Variants in LSAMP observed in about 807,000 individuals in gnomAD.
LSAMP encodes limbic system associated membrane protein.
Under a neutral mutation model 38.6 loss-of-function variants are expected in LSAMP, and 7 were observed. The observed-to-expected ratio is 0.18, with a 90% CI of 0.10 to 0.34. The LOEUF (loss-of-function observed/expected upper bound fraction) is 0.34. LSAMP is among the 10% of genes least tolerant of loss of function. The pLI, the probability that LSAMP is intolerant of heterozygous loss-of-function variation, is 1.00. For missense variants in LSAMP, 313 were observed against 420.0 expected (o/e 0.75, Z 2.23); for synonymous variants, 154 against 166.8 (o/e 0.92, Z 0.59).
At chr3:116,300,657 C>A (rs781283319) in intron 1 of LSAMP, among the ~76,000 whole-genome samples, 1 of 152,118 alleles carries the variant, frequency 6.6e-6, no homozygotes, top group Non-Finnish European at 1.5e-5. Flanking sequence ...CTAACTAATA[C>A]CTGATGATCT....
chr3:115,844,968 C>T (rs1327687296), intron 4 of LSAMP, among the ~76,000 whole-genome samples: 1 of 152,208 alleles, frequency 6.6e-6, no homozygotes, highest in African/African-American at 2.4e-5. Flanking sequence ...CACAGCAAGA[C>T]CCTGTCTCAA....
At chr3:116,269,343 A>G (rs1197384469) in intron 1 of LSAMP, among the ~76,000 whole-genome samples, 1 of 151,310 alleles carries the variant, frequency 6.6e-6, no homozygotes, top group Non-Finnish European at 1.5e-5. Context: ...TGCAACACAC[A>G]TATTATATAC....
At chr3:116,119,666 T>C (rs1314956757) in intron 1 of LSAMP, among the ~76,000 whole-genome samples, 2 of 111,560 alleles carry the variant, frequency 1.8e-5, no homozygotes, top group African/African-American at 2.8e-5. Flanking sequence ...CTTTTCTTTT[T>C]TTTTTTTTTT....
chr3:115,828,776 G>T (rs1178083354), intron 6 of LSAMP, among the ~76,000 whole-genome samples: 1 of 152,068 alleles, frequency 6.6e-6, no homozygotes, highest in Non-Finnish European at 1.5e-5. Context: ...TCATAGAAGA[G>T]CAATATTTCT....
chr3:116,131,584 C>G (rs1347758361), intron 1 of LSAMP, among the ~76,000 whole-genome samples: 1 of 152,112 alleles, frequency 6.6e-6, no homozygotes, highest in African/African-American at 2.4e-5. Context: ...TACCAGGGAA[C>G]AAATCAATAG....
chr3:116,142,376 A>T (rs1019575378), intron 1 of LSAMP, among the ~76,000 whole-genome samples: 1 of 152,006 alleles, frequency 6.6e-6, no homozygotes, highest in Admixed American at 6.6e-5. Context: ...TCCAAAAGAC[A>T]TCTTGTTCCA....
At chr3:115,814,430 T>C (rs2107453434) in intron 6 of LSAMP, among the ~76,000 whole-genome samples, 1 of 152,344 alleles carries the variant, frequency 6.6e-6, no homozygotes, top group Admixed American at 6.5e-5. Context: ...GTCTCTAGAC[T>C]ATAAATTTGT....
At chr3:115,997,300 A>T (rs1473738576) in intron 3 of LSAMP, among the ~76,000 whole-genome samples, 1 of 152,082 alleles carries the variant, frequency 6.6e-6, no homozygotes, top group Non-Finnish European at 1.5e-5. Flanking sequence ...GGTGAATAAG[A>T]TGGACAATGT....
chr3:115,854,241 T>C (rs1935422515), intron 3 of LSAMP, among the ~76,000 whole-genome samples: 1 of 148,238 alleles, frequency 6.7e-6, no homozygotes, highest in Non-Finnish European at 1.5e-5. Context: ...GTCTATAGCA[T>C]ATAGTTAAAT....
At chr3:116,325,101 T>C (rs1463707156) in intron 1 of LSAMP, among the ~76,000 whole-genome samples, 1 of 149,492 alleles carries the variant, frequency 6.7e-6, no homozygotes, top group Non-Finnish European at 1.5e-5. Flanking sequence ...ATTTCATATA[T>C]ATAATAATAT....
intron 1 of LSAMP, among the ~76,000 whole-genome samples, chr3:116,208,139 A>T (rs1294244566): frequency 2.0e-5 from 3 of 151,334 alleles, no homozygotes; most frequent in African/African-American, 7.3e-5. Context: ...TTCTCGCTTC[A>T]TTTCATTCAT....
At chr3:115,854,279 ATTATTTTTT>A (rs1372913341) in intron 3 of LSAMP, among the ~76,000 whole-genome samples, 8 of 116,370 alleles carry the variant, frequency 6.9e-5, no homozygotes, top group East Asian at 2.4e-4. Flanking sequence ...TATTATTATT[ATTATTTTTT>A]TTTTTTTTTT....
chr3:116,106,574 A>G (rs1054675429), intron 1 of LSAMP, among the ~76,000 whole-genome samples: 4 of 151,982 alleles, frequency 2.6e-5, no homozygotes, highest in African/African-American at 9.7e-5. Flanking sequence ...TTTTTAATAG[A>G]CCATTAGTCT....
At position 116,412,645 on chromosome 3, in the gene LSAMP, C is replaced by T. The variant is rs538216394; in HGVS notation, c.155+32232G>A. 2.0e-5 allele frequency among the ~76,000 whole-genome samples: 3 copies of T among 152,218 alleles called. No individual in the cohort carries two copies. The South Asian group carries it at 6.2e-4, about 32-fold the overall frequency. On this transcript the variant is annotated intron_variant, in intron 1 of 6. Transcript: ENST00000490035. ...GAGCTTGGGTCGAAGAAAGCTGTCA[C>T]ATCAACAGTCTAAAGAAATACTAAT... is the stretch of plus-strand genomic sequence containing the variant.
At chr3:116,226,018 C>T (rs998485066) in intron 1 of LSAMP, among the ~76,000 whole-genome samples, 2 of 152,122 alleles carry the variant, frequency 1.3e-5, no homozygotes, top group Non-Finnish European at 2.9e-5. Context: ...AAATTGAAAG[C>T]TTTTCATGGT....
intron 2 of LSAMP, among the ~76,000 whole-genome samples, chr3:116,063,989 T>C (rs1414182603): frequency 3.3e-5 from 5 of 152,194 alleles, no homozygotes; most frequent in African/African-American, 1.2e-4. Context: ...ATAAACACGA[T>C]AAAGTGGGTG....
intron 2 of LSAMP, among the ~76,000 whole-genome samples, chr3:116,031,828 T>C (rs532922493): frequency 2.2e-4 from 34 of 152,178 alleles, no homozygotes; most frequent in African/African-American, 7.2e-4. Flanking sequence ...CCATTTTAAA[T>C]AGAATGTGGA....
rs1237835470 is a variant in LSAMP, at chr3:115,806,816, T to TA, written c.*3500dup. 1.3e-5 allele frequency: 2 copies of TA among 152,246 alleles called. No individual in the cohort carries two copies. Among genetic ancestry groups the TA allele is most frequent in the African/African-American group, 4.8e-5 (2 of 41,474 alleles). The allele number at this position is 152,246 out of a possible 1,614,324, so 9.4% of individuals were successfully genotyped here. On this transcript the variant is annotated 3_prime_UTR_variant, in exon 7 of 7. Coordinates refer to ENST00000490035, the MANE Select transcript of LSAMP (RefSeq NM_002338.5). ...ATGTCTCGAAACAAACAAGACTTTT[T>TA]ATCCAGCAAGGCAAAACCTTTGCTC...
At chr3:116,153,981 T>G (rs72961507) in intron 1 of LSAMP, among the ~76,000 whole-genome samples, 5,130 of 152,186 alleles carry the variant, frequency 0.034, 225 homozygotes, top group African/African-American at 0.1. Flanking sequence ...TCAAAAAAAT[T>G]GACAATCTCC....
Sources: gnomAD v4.1 joint callset for allele counts (sites outside exome capture counted in the v4.1 genomes callset) on GRCh38, gnomAD v4.1.1 for gene constraint, MANE v1.5 for transcripts, NCBI Gene and HGNC (gene_info 2026-07-23, HGNC 2026-07-21) for gene names.